The following GNAL variants were observed in gnomAD, a reference collection of about 807,000 sequenced individuals.
GNAL encodes G protein subunit alpha L.
GNAL carries 18 observed loss-of-function variants against 55.1 expected under a neutral mutation model. The ratio of observed to expected loss-of-function variants is 0.33; its 90% CI spans 0.23 to 0.48. The LOEUF (loss-of-function observed/expected upper bound fraction) is 0.48, where lower values mean the gene tolerates loss of function less well. GNAL is among the 20% of genes least tolerant of loss of function. GNAL has a pLI of 0.99. For synonymous variants in GNAL, 253 were observed against 237.0 expected (o/e 1.07, Z -0.62); for missense variants, 412 against 614.1 (o/e 0.67, Z 3.48).
chr18:11,728,763 T>C (rs992180916), intron 1 of GNAL, among the ~76,000 whole-genome samples: 1 of 152,214 alleles, frequency 6.6e-6, no homozygotes, highest in Non-Finnish European at 1.5e-5. Flanking sequence ...ATTTGCTACA[T>C]CTCTGTAAGA....
At chr18:11,857,805 A>ACC in intron 5 of GNAL, 2 of 846,014 alleles carry the variant, frequency 2.4e-6, no homozygotes, top group Non-Finnish European at 2.8e-6. Context: ...GTTTTTCTCC[A>ACC]CCAGTACGAA....
rs536664934 is a variant in GNAL at position 11,880,211 on chromosome 18, G to A, written c.1231-778G>A. 2.7e-5 allele frequency among the ~76,000 whole-genome samples: 4 copies of A among 149,180 alleles called. 1 individual carries two copies. Among genetic ancestry groups the A allele is most frequent in the East Asian group, 4.2e-4 (2 of 4,712 alleles). ...GGCAGAGGTTGCAGTGAGCCGAGATGGCACCACTGCACTCCAGCCTGGGGG... is the reference window on the plus strand; with the variant it reads ...GGCAGAGGTTGCAGTGAGCCGAGATAGCACCACTGCACTCCAGCCTGGGGG... On this transcript the variant is annotated intron_variant, in intron 11 of 11. Transcript: ENST00000334049.
At chr18:11,827,668 TC>T (rs2035282267) in intron 5 of GNAL, among the ~76,000 whole-genome samples, 2 of 151,414 alleles carry the variant, frequency 1.3e-5, no homozygotes, top group Non-Finnish European at 2.9e-5. Flanking sequence ...GCACGACAAG[TC>T]CTTCAAGATT....
intron 1 of GNAL, among the ~76,000 whole-genome samples, chr18:11,690,833 C>A (rs1033626268): frequency 6.6e-6 from 1 of 151,576 alleles, no homozygotes; most frequent in Non-Finnish European, 1.5e-5. Context: ...TGTATATGTG[C>A]CACATTTTCT....
At position 11,751,833 on chromosome 18, in the gene GNAL, TC is replaced by T; in HGVS notation, c.377-1016del. 5.3e-6 allele frequency: 1 copy of T among 189,614 alleles called. No homozygotes were observed. 11.7% of individuals were successfully genotyped at this position (189,614 alleles called of 1,614,324 possible). ...CCCCAAAGCCAGCCTCCCTCTCCCTTCCCCGCACCGGGATCCCAGACCAGGG... is the reference window on the plus strand; with the variant it reads ...CCCCAAAGCCAGCCTCCCTCTCCCTTCCCGCACCGGGATCCCAGACCAGGG... On this transcript the variant is annotated intron_variant, in intron 1 of 11. Coordinates refer to ENST00000334049, the MANE Select transcript of GNAL (RefSeq NM_182978.4). The surrounding 1 kb of genome is among the most constrained non-coding windows in gnomAD (Gnocchi z 4.5).
intron 4 of GNAL, among the ~76,000 whole-genome samples, chr18:11,819,388 A>G (rs1372040420): frequency 1.3e-5 from 2 of 152,188 alleles, no homozygotes; most frequent in African/African-American, 4.8e-5. Context: ...AATTTTTTAA[A>G]CTTTAGTTTA....
At chr18:11,762,881 T>C (rs905662434) in intron 4 of GNAL, among the ~76,000 whole-genome samples, 2 of 152,212 alleles carry the variant, frequency 1.3e-5, no homozygotes, top group Non-Finnish European at 2.9e-5. Flanking sequence ...AGAAACCTGC[T>C]TCCAGGTCTC....
chr18:11,788,539 A>G (rs2034124029), intron 4 of GNAL, among the ~76,000 whole-genome samples: 1 of 152,150 alleles, frequency 6.6e-6, no homozygotes, highest in Admixed American at 6.5e-5. Flanking sequence ...TTCAGAACAA[A>G]TCTTGATTCA....
intron 1 of GNAL, among the ~76,000 whole-genome samples, chr18:11,733,585 G>A (rs1300222584): frequency 6.6e-6 from 1 of 152,160 alleles, no homozygotes; most frequent in East Asian, 1.9e-4. Flanking sequence ...ATACACTATG[G>A]AATACTATTC....
At chr18:11,849,907 G>A (rs1488427378) in intron 5 of GNAL, among the ~76,000 whole-genome samples, 1 of 152,206 alleles carries the variant, frequency 6.6e-6, no homozygotes, top group Admixed American at 6.5e-5. Context: ...GAAGGAATCA[G>A]TGTCTGCATC....
chr18:11,856,242 C>A (rs1474789110), intron 5 of GNAL, among the ~76,000 whole-genome samples: 2 of 151,368 alleles, frequency 1.3e-5, no homozygotes, highest in Non-Finnish European at 2.9e-5. Context: ...CTGGAATTAG[C>A]AAAATGCTGT....
chr18:11,769,777 G>T (rs78812161), intron 4 of GNAL, among the ~76,000 whole-genome samples: 5,216 of 152,166 alleles, frequency 0.034, 140 homozygotes, highest in Middle Eastern at 0.082. Flanking sequence ...CCCAAGTGGA[G>T]GTAAAATGAT....
chr18:11,702,512 G>T (rs1001943646), intron 1 of GNAL, among the ~76,000 whole-genome samples: 3 of 152,172 alleles, frequency 2.0e-5, no homozygotes, highest in African/African-American at 7.2e-5. Context: ...TATTGAGAAG[G>T]ACGTCAGTGC....
At chr18:11,694,000 A>G (rs968137788) in intron 1 of GNAL, among the ~76,000 whole-genome samples, 1 of 151,822 alleles carries the variant, frequency 6.6e-6, no homozygotes, top group East Asian at 1.9e-4. Flanking sequence ...CTACAGGTAC[A>G]TGCTACCATG....
chr18:11,778,306 C>A (rs1483748146), intron 4 of GNAL, among the ~76,000 whole-genome samples: 1 of 152,048 alleles, frequency 6.6e-6, no homozygotes, highest in African/African-American at 2.4e-5. Flanking sequence ...TATGACCCAC[C>A]CATTCATGGT....
intron 4 of GNAL, among the ~76,000 whole-genome samples, chr18:11,790,192 G>A (rs1450978829): frequency 6.6e-6 from 1 of 152,198 alleles, no homozygotes. Context: ...ATGAGGGGTT[G>A]AGAGCTATCT....
chr18:11,781,260 A>G (rs1251036030), intron 4 of GNAL, among the ~76,000 whole-genome samples: 3 of 152,228 alleles, frequency 2.0e-5, no homozygotes, highest in Non-Finnish European at 4.4e-5. Context: ...TTGGACTTAG[A>G]AACACCTAAC....
At chr18:11,691,304 G>T (rs2031240553) in intron 1 of GNAL, among the ~76,000 whole-genome samples, 1 of 150,636 alleles carries the variant, frequency 6.6e-6, no homozygotes, top group African/African-American at 2.4e-5. Flanking sequence ...TTTTGATGGG[G>T]TTGTTTGTTT....
intron 5 of GNAL, among the ~76,000 whole-genome samples, chr18:11,827,949 C>G (rs9963448): frequency 1.4e-5 from 2 of 145,426 alleles, no homozygotes; most frequent in Admixed American, 7.2e-5. Context: ...CCAGCCTGGG[C>G]GACAGAGCGA....
Sources: gnomAD v4.1 joint callset for allele counts (sites outside exome capture counted in the v4.1 genomes callset) on GRCh38, gnomAD v4.1.1 for gene constraint, Gnocchi (gnomAD v3.1) non-coding constraint, MANE v1.5 for transcripts, NCBI Gene and HGNC (gene_info 2026-07-23, HGNC 2026-07-21) for gene names.